The following DNAI7 variants were observed in gnomAD, a reference collection of about 807,000 sequenced individuals.
DNAI7 encodes the protein cancer susceptibility 1.
DNAI7 carries 78 observed loss-of-function variants against 86.6 expected under a neutral mutation model. That is an observed-to-expected ratio of 0.90 (90% CI 0.75 to 1.09). The LOEUF is 1.09. DNAI7 is among the 50% of genes least tolerant of loss of function. DNAI7 has a pLI of 0.00. For missense variants in DNAI7, 753 were observed against 810.2 expected (o/e 0.93, Z 0.86); for synonymous variants, 274 against 273.0 (o/e 1.00, Z -0.04).
intron 9 of DNAI7, among the ~76,000 whole-genome samples, chr12:25,138,244 A>G (rs1056660616): frequency 1.3e-5 from 2 of 152,168 alleles, no homozygotes; most frequent in Non-Finnish European, 2.9e-5. Flanking sequence ...CGGGTGGATC[A>G]CCTTAGATCA....
intron 14 of DNAI7, among the ~76,000 whole-genome samples, chr12:25,111,025 C>T (rs1938711881): frequency 2.0e-5 from 3 of 151,852 alleles, no homozygotes; most frequent in Admixed American, 2.0e-4. Flanking sequence ...GGGTTTTTTT[C>T]CTATGCATAT....
Position 25,108,476 on chromosome 12 carries a change from T to C in DNAI7, c.*72A>G, listed in dbSNP as rs1949409623. On this transcript the variant is annotated 3_prime_UTR_variant, in exon 16 of 16. Coordinates refer to ENST00000395987, the MANE Select transcript of DNAI7 (RefSeq NM_018272.5). ...GAAATGTATTCATTCACTCATTACATTGTGTTGCAGAAATACCTGTCTTTC... is the reference window on the plus strand; with the variant it reads ...GAAATGTATTCATTCACTCATTACACTGTGTTGCAGAAATACCTGTCTTTC... 1.6e-6 allele frequency: 2 copies of C among 1,282,090 alleles called. No homozygotes were observed. Among genetic ancestry groups the C allele is most frequent in the Non-Finnish European group, 2.2e-6 (2 of 928,382 alleles). The allele number at this position is 1,282,090 out of a possible 1,614,324, so 79.4% of individuals were successfully genotyped here.
chr12:25,154,617 G>A (rs1296344011), intron 5 of DNAI7, among the ~76,000 whole-genome samples, 161 bp from the exon 6 acceptor site: 1 of 152,148 alleles, frequency 6.6e-6, no homozygotes, highest in African/African-American at 2.4e-5. Context: ...AAATAACCAA[G>A]TTCTTCTTTA....
At chr12:25,171,830 A>T (rs1948176139) in intron 2 of DNAI7, among the ~76,000 whole-genome samples, 1 of 152,044 alleles carries the variant, frequency 6.6e-6, no homozygotes, top group Non-Finnish European at 1.5e-5. Flanking sequence ...TGCAAACGTG[A>T]TACAACACAT....
chr12:25,126,013 G>A (rs1942084331), intron 9 of DNAI7, among the ~76,000 whole-genome samples: 1 of 152,108 alleles, frequency 6.6e-6, no homozygotes, highest in Admixed American at 6.6e-5. Context: ...GGTTATTGTA[G>A]CCCTGTAGTA....
Position 25,154,354 on chromosome 12 carries a change from C to T in DNAI7, c.403G>A (p.Glu135Lys). 1 of 1,610,868 alleles carries T rather than the reference C, an allele frequency of 6.2e-7. No individual in the cohort carries two copies. The highest frequency in any genetic ancestry group is 8.5e-7 in the Non-Finnish European group (1 of 1,179,296). Reference protein sequence around the residue: ...LWKEKTNETFEEVIEKSKVVL... With the variant: ...LWKEKTNETFKEVIEKSKVVL... ...ACTTTACTCTTCTCAATCACTTCCT[C>T]AAAAGTCTCATTTGTTTTCTCTTTC... The change falls in exon 6 of 16, where the codon GAG becomes AAG. Residue 135 changes from glutamate (E) to lysine (K), a missense_variant. Glu to Lys is a moderately conservative substitution (Grantham distance 56, BLOSUM62 1). Transcript: ENST00000395987.
rs775060688 is a variant in DNAI7, at chr12:25,111,761, T to C, written c.1779+11A>G. The stretch of plus-strand genomic sequence containing the variant: ...GCACGCCACATTAAATTTGGAAAGA[T>C]TCATTCTTGCCTTATTGTTTATAAT... On this transcript the variant is annotated intron_variant, in intron 14 of 15. Coordinates refer to ENST00000395987, the MANE Select transcript of DNAI7 (RefSeq NM_018272.5). The C allele has an allele frequency of 1.3e-6, 2 of 1,535,904 alleles. No homozygotes were observed. The highest frequency in any genetic ancestry group is 4.6e-5 in the East Asian group (2 of 43,304).
At chr12:25,142,699 C>A (rs1311430662) in intron 9 of DNAI7, among the ~76,000 whole-genome samples, 2 of 152,102 alleles carry the variant, frequency 1.3e-5, no homozygotes, top group Non-Finnish European at 2.9e-5. Context: ...CTGATAGGTT[C>A]TTTGTTTTCA....
chr12:25,141,776 G>C (rs1431028060), intron 9 of DNAI7, among the ~76,000 whole-genome samples: 1 of 151,984 alleles, frequency 6.6e-6, no homozygotes, highest in East Asian at 1.9e-4. Flanking sequence ...GTTGCAGTGA[G>C]CTGAGATCAT....
rs779702405 is a variant in DNAI7, at chr12:25,144,461, G to C, written c.906C>G (p.Val302=). 3 of 1,613,782 alleles carry C rather than the reference G, an allele frequency of 1.9e-6. No homozygotes were observed. The highest frequency in any genetic ancestry group is 1.1e-5 in the South Asian group (1 of 91,068). ...KNVEKAISKE[V]EEESKQQERG... The stretch of plus-strand genomic sequence containing the variant: ...TTTCTTGTTGTTTGGACTCTTCTTC[G>C]ACCTCCTTGCTGATTGCTTTTTCTA... The change falls in exon 9 of 16, where the codon GTC becomes GTG. Residue 302 remains valine, a synonymous_variant. Coordinates refer to ENST00000395987, the MANE Select transcript of DNAI7 (RefSeq NM_018272.5).
chr12:25,114,634 A>T (rs1466767556), intron 13 of DNAI7, 22 bp downstream of exon 13: 1 of 1,520,276 alleles, frequency 6.6e-7, no homozygotes, highest in Non-Finnish European at 9.1e-7. Flanking sequence ...GATAGTACAT[A>T]ACAGCTACAA....
intron 2 of DNAI7, among the ~76,000 whole-genome samples, chr12:25,169,595 C>A (rs1947898573): frequency 6.6e-6 from 1 of 152,196 alleles, no homozygotes; most frequent in Admixed American, 6.5e-5. Context: ...TTCCTGTAAT[C>A]CCAGCACTTT....
chr12:25,189,566 CG>C (rs59964699), intron 2 of DNAI7, among the ~76,000 whole-genome samples: 26,650 of 151,934 alleles, frequency 0.18, 2,437 homozygotes, highest in Middle Eastern at 0.23. Context: ...TGCTTGAACC[CG>C]GAAGGTGGAA....
chr12:25,113,519 C>A (rs1027431933), intron 13 of DNAI7, among the ~76,000 whole-genome samples: 2 of 152,010 alleles, frequency 1.3e-5, no homozygotes, highest in African/African-American at 4.8e-5. Flanking sequence ...CCAGGCTGGT[C>A]TCAAACTCCT....
At chr12:25,112,653 A>G (rs780327854) in intron 13 of DNAI7, among the ~76,000 whole-genome samples, 10 of 151,646 alleles carry the variant, frequency 6.6e-5, no homozygotes, top group East Asian at 3.9e-4. Context: ...TGATCTGCCC[A>G]CCTCGGCCTC....
At chr12:25,140,664 T>C (rs956605262) in intron 9 of DNAI7, among the ~76,000 whole-genome samples, 1 of 151,080 alleles carries the variant, frequency 6.6e-6, no homozygotes, top group Non-Finnish European at 1.5e-5. Context: ...TCAATGCAAT[T>C]CCCATCAAAA....
intron 11 of DNAI7, among the ~76,000 whole-genome samples, chr12:25,120,905 T>G (rs1322461776): frequency 6.6e-6 from 1 of 152,154 alleles, no homozygotes; most frequent in African/African-American, 2.4e-5. Context: ...AACTTCAATA[T>G]GCATAGGAGT....
At chr12:25,122,874 G>A (rs1170591855) in intron 10 of DNAI7, among the ~76,000 whole-genome samples, 2 of 152,152 alleles carry the variant, frequency 1.3e-5, no homozygotes, top group Non-Finnish European at 2.9e-5. Flanking sequence ...AAAAAGTGAG[G>A]TTACCAATGT....
chr12:25,193,725 A>C (rs1372408425), intron 1 of DNAI7, among the ~76,000 whole-genome samples: 1 of 152,244 alleles, frequency 6.6e-6, no homozygotes, highest in Non-Finnish European at 1.5e-5. Context: ...GAAGGTAACA[A>C]GTAAGTGCTT....
Sources: gnomAD v4.1 joint callset for allele counts (sites outside exome capture counted in the v4.1 genomes callset) on GRCh38, gnomAD v4.1.1 for gene constraint, MANE v1.5 for transcripts, NCBI Gene and HGNC (gene_info 2026-07-23, HGNC 2026-07-21) for gene names.